Variants in PCDH15 observed in about 807,000 individuals in gnomAD.
PCDH15 encodes the protein protocadherin-15.
A neutral mutation model predicts 178.5 loss-of-function variants in PCDH15; 129 were observed. The ratio of observed to expected loss-of-function variants is 0.72; its 90% CI spans 0.63 to 0.84. The LOEUF is 0.84. Ranked by LOEUF, PCDH15 falls within the 40% of genes least tolerant of loss-of-function variation. PCDH15 has a pLI of 0.00. For synonymous variants in PCDH15, 800 were observed against 732.0 expected (o/e 1.09, Z -1.50); for missense variants, 2,230 against 2,099.9 (o/e 1.06, Z -1.21).
chr10:54,634,963 G>A (rs2093808548), intron 2 of PCDH15, among the ~76,000 whole-genome samples: 1 of 151,784 alleles, frequency 6.6e-6, no homozygotes, highest in African/African-American at 2.4e-5. Context: ...TCTTTAGGAA[G>A]ATAGCAGTAA....
chr10:54,097,995 C>G (rs914242246), intron 15 of PCDH15, among the ~76,000 whole-genome samples: 1 of 152,116 alleles, frequency 6.6e-6, no homozygotes, highest in African/African-American at 2.4e-5. Context: ...CTTTGTACTT[C>G]CTATGACTGG....
chr10:53,840,064 G>A (rs1176584907), intron 29 of PCDH15, among the ~76,000 whole-genome samples: 1 of 152,140 alleles, frequency 6.6e-6, no homozygotes, highest in Non-Finnish European at 1.5e-5. Context: ...TCAAGGAGCT[G>A]TTCCTTGTTC....
intron 2 of PCDH15, among the ~76,000 whole-genome samples, chr10:55,065,762 T>C (rs1841549321): frequency 6.6e-6 from 1 of 152,086 alleles, no homozygotes; most frequent in Admixed American, 6.6e-5. Context: ...AGTTTATTTA[T>C]AGTCTATGCT....
intron 3 of PCDH15, among the ~76,000 whole-genome samples, chr10:54,451,808 C>T (rs950650368): frequency 1.3e-4 from 20 of 151,860 alleles, no homozygotes; most frequent in African/African-American, 4.8e-4. Context: ...TATACCCCAT[C>T]ATATTTTATC....
At chr10:54,782,618 G>A (rs1312832492) in intron 1 of PCDH15, among the ~76,000 whole-genome samples, 5 of 151,908 alleles carry the variant, frequency 3.3e-5, no homozygotes, top group African/African-American at 4.8e-5. Context: ...TATCTTTGGT[G>A]CTGAGATAAT....
At chr10:55,280,623 T>C (rs185165095) in intron 1 of PCDH15, among the ~76,000 whole-genome samples, 175 of 151,966 alleles carry the variant, frequency 1.2e-3, no homozygotes, top group Admixed American at 7.1e-3. Flanking sequence ...TGTTGAATAA[T>C]GTTAAACAGG....
At chr10:54,900,534 C>T (rs974793155) in intron 2 of PCDH15, among the ~76,000 whole-genome samples, 3 of 152,096 alleles carry the variant, frequency 2.0e-5, no homozygotes. Flanking sequence ...AAATTAATTT[C>T]AATCCATTAC....
chr10:54,292,986 A>G (rs2059518048), intron 8 of PCDH15, among the ~76,000 whole-genome samples: 1 of 152,208 alleles, frequency 6.6e-6, no homozygotes, highest in Non-Finnish European at 1.5e-5. Context: ...AAGTGGAAAT[A>G]AAAAAGAGCC....
At chr10:54,648,699 T>C (rs1449377974) in intron 2 of PCDH15, among the ~76,000 whole-genome samples, 2 of 152,168 alleles carry the variant, frequency 1.3e-5, no homozygotes, top group African/African-American at 2.4e-5. Context: ...CGCTAGTTGT[T>C]ATTAGAAACC....
intron 2 of PCDH15, among the ~76,000 whole-genome samples, chr10:55,161,578 A>C (rs55812384): frequency 6.6e-6 from 1 of 152,022 alleles, no homozygotes; most frequent in African/African-American, 2.4e-5. Flanking sequence ...TGCCCTTTAT[A>C]GAAAAACTTT....
chr10:54,534,528 A>G (rs2084275485), intron 2 of PCDH15, among the ~76,000 whole-genome samples: 1 of 152,240 alleles, frequency 6.6e-6, no homozygotes, highest in South Asian at 2.1e-4. Context: ...CAGAAAGATC[A>G]AGGAAGAGTT....
chr10:54,615,886 G>GA (rs2093128151), intron 2 of PCDH15, among the ~76,000 whole-genome samples: 1 of 151,960 alleles, frequency 6.6e-6, no homozygotes, highest in Admixed American at 6.6e-5. Flanking sequence ...ATTCCCAGTG[G>GA]AAAATGGCGA....
intron 1 of PCDH15, among the ~76,000 whole-genome samples, chr10:55,167,794 C>T (rs1463462720): frequency 1.3e-5 from 2 of 151,966 alleles, no homozygotes; most frequent in East Asian, 3.9e-4. Context: ...TTCTTACAAC[C>T]AAAGTTTGGT....
chr10:54,561,111 G>A (rs2133364415), intron 2 of PCDH15, among the ~76,000 whole-genome samples: 1 of 152,190 alleles, frequency 6.6e-6, no homozygotes, highest in Non-Finnish European at 1.5e-5. Flanking sequence ...GGCAAGTCAA[G>A]TTCTATGGAA....
rs917444164 is a variant in PCDH15 at position 54,503,616 on chromosome 10, G to A, written c.157+24196C>T. On this transcript the variant is annotated intron_variant, in intron 3 of 37. Coordinates refer to ENST00000644397, the MANE Select transcript of PCDH15 (RefSeq NM_001384140.1). ...AAGAGATCTTTGGAAATTTTCTCCCGAGACATACAAGAATTTACCTAGCAA... is the reference window on the plus strand; with the variant it reads ...AAGAGATCTTTGGAAATTTTCTCCCAAGACATACAAGAATTTACCTAGCAA... Among the ~76,000 whole-genome samples the A allele has an allele frequency of 7.3e-5, 11 of 151,602 alleles. No individual in the cohort carries two copies. In the South Asian group the frequency reaches 1.7e-3, roughly 23 times the overall value.
At chr10:54,040,208 C>A (rs1248455710) in intron 18 of PCDH15, among the ~76,000 whole-genome samples, 1 of 151,968 alleles carries the variant, frequency 6.6e-6, no homozygotes, top group East Asian at 1.9e-4. Context: ...TGTTCTCACC[C>A]AAATCTCATC....
At chr10:54,383,722 C>CA (rs1259855940) in intron 3 of PCDH15, among the ~76,000 whole-genome samples, 120 of 126,656 alleles carry the variant, frequency 9.5e-4, no homozygotes, top group Middle Eastern at 3.9e-3. Context: ...TCTCCTCAAC[C>CA]AAAAAAAAAA....
intron 3 of PCDH15, among the ~76,000 whole-genome samples, chr10:54,806,406 G>T (rs1013623601): frequency 6.6e-6 from 1 of 151,952 alleles, no homozygotes; most frequent in African/African-American, 2.4e-5. Context: ...TCTTCTCAAG[G>T]CTCAGCTGGG....
Position 54,868,590 on chromosome 10 carries a change from A to T in PCDH15, c.-29+28860T>A, listed in dbSNP as rs199556499. ...CCCATTTTCATCCCATTTTTACCAC[A>T]CCATCTCTCTGTTCACCATTCAAAA... On this transcript the variant is annotated intron_variant, in intron 3 of 5. Transcript: ENST00000458638. Among the ~76,000 whole-genome samples, 6 of 152,050 alleles carry T rather than the reference A, an allele frequency of 3.9e-5. No homozygotes were observed. In the East Asian group the frequency reaches 1.2e-3, roughly 30 times the overall value.
Sources: gnomAD v4.1 joint callset for allele counts (sites outside exome capture counted in the v4.1 genomes callset) on GRCh38, gnomAD v4.1.1 for gene constraint, MANE v1.5 for transcripts, NCBI Gene and HGNC (gene_info 2026-07-23, HGNC 2026-07-21) for gene names.